SYN3: variants seen among roughly 807,000 people sequenced by gnomAD.
SYN3 encodes synapsin III.
A neutral mutation model predicts 65.8 loss-of-function variants in SYN3; 35 were observed. The ratio of observed to expected loss-of-function variants is 0.53; its 90% CI spans 0.41 to 0.70. The LOEUF is 0.70. SYN3 is among the 30% of genes least tolerant of loss of function. The pLI is 0.00. For synonymous variants in SYN3, 270 were observed against 292.9 expected, an observed-to-expected ratio of 0.92 and a Z score of 0.80; for missense variants, 680 against 749.0, an observed-to-expected ratio of 0.91 and a Z score of 1.08.
At chr22:32,671,589 A>G (rs1601883672) in intron 6 of SYN3, among the ~76,000 whole-genome samples, 2 of 147,208 alleles carry the variant, frequency 1.4e-5, no homozygotes, top group East Asian at 3.9e-4. Context: ...GCACACACAC[A>G]CGCTGTCATA....
chr22:32,651,748 A>T (rs768161556), intron 6 of SYN3, among the ~76,000 whole-genome samples: 1 of 152,084 alleles, frequency 6.6e-6, no homozygotes, highest in Admixed American at 6.5e-5. Flanking sequence ...AACCAACTCC[A>T]TCTCTGGGTT....
At chr22:32,819,824 A>G (rs1235189655) in intron 6 of SYN3, among the ~76,000 whole-genome samples, 1 of 152,234 alleles carries the variant, frequency 6.6e-6, no homozygotes, top group Non-Finnish European at 1.5e-5. Flanking sequence ...CTATCTGTCC[A>G]TAACTTGCTA....
At chr22:32,623,000 T>C (rs73154359) in intron 6 of SYN3, among the ~76,000 whole-genome samples, 118 of 152,198 alleles carry the variant, frequency 7.8e-4, no homozygotes, top group Admixed American at 3.7e-3. Context: ...GGGAGACTTG[T>C]TCCTCCTGAA....
At chr22:32,675,305 C>G (rs950189181) in intron 6 of SYN3, among the ~76,000 whole-genome samples, 4 of 152,196 alleles carry the variant, frequency 2.6e-5, no homozygotes, top group African/African-American at 9.6e-5. Context: ...ACAAAATACC[C>G]TCACCTAACA....
intron 6 of SYN3, among the ~76,000 whole-genome samples, chr22:32,636,547 C>T (rs1054106292): frequency 2.6e-5 from 4 of 152,210 alleles, no homozygotes; most frequent in Non-Finnish European, 5.9e-5. Flanking sequence ...ATGGACTTGA[C>T]ACCTTGACCT....
intron 6 of SYN3, among the ~76,000 whole-genome samples, chr22:32,706,829 G>A (rs1183518986): frequency 6.6e-6 from 1 of 152,136 alleles, no homozygotes; most frequent in African/African-American, 2.4e-5. Context: ...TCCCAGGGCT[G>A]CTCCTTCTCC....
At chr22:32,970,188 T>C (rs532123666) in intron 3 of SYN3, among the ~76,000 whole-genome samples, 7 of 152,158 alleles carry the variant, frequency 4.6e-5, no homozygotes, top group Non-Finnish European at 5.9e-5. Flanking sequence ...TATTTCAGTC[T>C]CACAACTATA....
intron 3 of SYN3, among the ~76,000 whole-genome samples, chr22:32,933,198 G>A (rs1281217472): frequency 6.6e-6 from 1 of 152,152 alleles, no homozygotes; most frequent in Non-Finnish European, 1.5e-5. Context: ...GATGCCAAAA[G>A]CAATTTCTTT....
Position 32,923,298 on chromosome 22 carries a change from G to A in SYN3, c.461+8092C>T, listed in dbSNP as rs117616343. 2.8e-3 allele frequency among the ~76,000 whole-genome samples: 425 copies of A among 152,332 alleles called. 8 individuals carry two copies. The East Asian group carries it at 0.073, about 26-fold the overall frequency. On this transcript the variant is annotated intron_variant, in intron 4 of 13. Coordinates refer to ENST00000358763, the MANE Select transcript of SYN3 (RefSeq NM_003490.4). Reference sequence around the variant, plus strand: ...GATTTAGCTCTTCCTCTGTCTTTTTGTTCTAGTGGGACCCCCAGCGGATTG... The same window carrying A: ...GATTTAGCTCTTCCTCTGTCTTTTTATTCTAGTGGGACCCCCAGCGGATTG...
At chr22:33,041,862 C>G (rs544418468) in intron 1 of SYN3, among the ~76,000 whole-genome samples, 13 of 152,274 alleles carry the variant, frequency 8.5e-5, no homozygotes, top group African/African-American at 3.1e-4. Flanking sequence ...CCTCTCTCCC[C>G]CTGCCAAAGG....
At chr22:32,588,092 C>T (rs2059076261) in intron 7 of SYN3, among the ~76,000 whole-genome samples, 1 of 151,186 alleles carries the variant, frequency 6.6e-6, no homozygotes. Context: ...ACAGAGTAAG[C>T]TCTACAGAAC....
At chr22:32,721,568 G>A (rs906367805) in intron 6 of SYN3, among the ~76,000 whole-genome samples, 3 of 152,208 alleles carry the variant, frequency 2.0e-5, no homozygotes, top group Admixed American at 1.3e-4. Context: ...GAAGCCCAGA[G>A]AGTTAACTTG....
chr22:32,841,132 C>T lies in SYN3; in HGVS notation c.711+23783G>A, dbSNP rs973970737. 3.9e-5 allele frequency among the ~76,000 whole-genome samples: 6 copies of T among 152,244 alleles called. No homozygotes were observed. In the East Asian group the frequency reaches 9.6e-4, roughly 24 times the overall value. On this transcript the variant is annotated intron_variant, in intron 6 of 13. Transcript: ENST00000358763. ...TTATACAAGAAATCACACGTAGCTT[C>T]CCATATTCAGCAAATACATATGAGG...
chr22:32,738,513 T>A (rs551610557), intron 6 of SYN3, among the ~76,000 whole-genome samples: 2 of 152,366 alleles, frequency 1.3e-5, no homozygotes, highest in African/African-American at 4.8e-5. Flanking sequence ...TGCTTCCTGA[T>A]ATCTGATTTC....
chr22:33,010,076 T>C (rs1354032411), intron 1 of SYN3, among the ~76,000 whole-genome samples: 1 of 152,012 alleles, frequency 6.6e-6, no homozygotes, highest in African/African-American at 2.4e-5. Context: ...CTACTAAAAA[T>C]ACAAAATTAG....
intron 6 of SYN3, among the ~76,000 whole-genome samples, chr22:32,672,208 G>A (rs767419488): frequency 5.9e-5 from 9 of 152,166 alleles, no homozygotes; most frequent in Non-Finnish European, 1.0e-4. Context: ...ATTAAAAAAA[G>A]GTCTGCATAG....
chr22:33,038,786 A>C (rs918042221), intron 1 of SYN3, among the ~76,000 whole-genome samples: 1 of 152,212 alleles, frequency 6.6e-6, no homozygotes, highest in African/African-American at 2.4e-5. Context: ...CTTAAGAGTC[A>C]GATTAGAACT....
intron 6 of SYN3, among the ~76,000 whole-genome samples, chr22:32,671,563 A>T (rs1397028898): frequency 4.6e-5 from 6 of 130,018 alleles, no homozygotes; most frequent in Non-Finnish European, 1.0e-4. Context: ...ACACACACAC[A>T]TGCTCTCAAA....
At chr22:32,537,627 C>G (rs1035809253) in intron 9 of SYN3, among the ~76,000 whole-genome samples, 22 of 152,134 alleles carry the variant, frequency 1.4e-4, no homozygotes, top group Non-Finnish European at 3.2e-4. Flanking sequence ...CTCCAATATG[C>G]CTGGTCTCCT....
Sources: allele counts gnomAD v4.1 joint callset (sites outside exome capture counted in the v4.1 genomes callset), GRCh38; gene constraint gnomAD v4.1.1; transcripts MANE v1.5; gene names NCBI Gene and HGNC (gene_info 2026-07-23, HGNC 2026-07-21).